The following ERH variants were observed in gnomAD, a reference collection of about 807,000 sequenced individuals.
ERH encodes the protein enhancer of rudimentary homolog.
ERH carries 1 observed loss-of-function variant against 16.8 expected under a neutral mutation model. The ratio of observed to expected loss-of-function variants is 0.06; its 90% CI spans 0.02 to 0.28. The LOEUF is 0.28. Ranked by LOEUF, ERH falls within the 10% of genes least tolerant of loss-of-function variation. The probability of loss-of-function intolerance (pLI) is 1.00; values close to 1 mark genes in which losing one functional copy is unlikely to be tolerated. For missense variants in ERH, 42 were observed against 127.5 expected (o/e 0.33, Z 3.23); for synonymous variants, 43 against 43.6 (o/e 0.99, Z 0.05).
At chr14:69,381,221 A>T (rs965365952) in intron 3 of ERH, among the ~76,000 whole-genome samples, 1 of 152,214 alleles carries the variant, frequency 6.6e-6, no homozygotes, top group African/African-American at 2.4e-5. Context: ...GGATGCAGTG[A>T]GCCGAGATCG....
chr14:69,398,020 G>A (rs1882405319), intron 1 of ERH: 1 of 633,384 alleles, frequency 1.6e-6, no homozygotes, highest in Admixed American at 2.8e-5. Flanking sequence ...CGAGCAGGCG[G>A]GCGCGCAACC....
chr14:69,388,796 A>C (rs72723815), intron 2 of ERH, among the ~76,000 whole-genome samples: 28,506 of 152,148 alleles, frequency 0.19, 2,803 homozygotes, highest in South Asian at 0.26. Flanking sequence ...AACATGTCCT[A>C]TACTGTATAC....
At position 69,386,953 on chromosome 14, in the gene ERH, T is replaced by C; in HGVS notation, c.212+10A>G. The C allele has an allele frequency of 1.9e-6, 3 of 1,612,508 alleles. No homozygotes were observed. The highest frequency in any genetic ancestry group is 2.5e-6 in the Non-Finnish European group (3 of 1,179,594). ...AATACAAGATAAAAGACATGTTGGC[T>C]AATACTTACACCAGGCAGCTGAGGT... On this transcript the variant is annotated intron_variant, in intron 3 of 3. Coordinates refer to ENST00000557016, the MANE Select transcript of ERH (RefSeq NM_004450.3).
At chr14:69,382,530 T>C (rs2045868591) in intron 3 of ERH, among the ~76,000 whole-genome samples, 1 of 152,072 alleles carries the variant, frequency 6.6e-6, no homozygotes. Flanking sequence ...TGCATGCAAT[T>C]TTCCAACTCA....
At chr14:69,388,946 T>C (rs2045908214) in intron 2 of ERH, among the ~76,000 whole-genome samples, 1 of 152,148 alleles carries the variant, frequency 6.6e-6, no homozygotes, top group Non-Finnish European at 1.5e-5. Context: ...ATATCACCCA[T>C]GAGTTAATGA....
chr14:69,387,783 G>A (rs1044583730), intron 2 of ERH, among the ~76,000 whole-genome samples: 9 of 152,010 alleles, frequency 5.9e-5, no homozygotes, highest in African/African-American at 1.4e-4. Context: ...AGTGGCTCAC[G>A]CCTGTAATCC....
chr14:69,385,101 A>G (rs891907263), intron 3 of ERH, among the ~76,000 whole-genome samples: 5 of 152,254 alleles, frequency 3.3e-5, no homozygotes, highest in Admixed American at 2.0e-4. Flanking sequence ...TACACCCCCA[A>G]TTAAAGCTCA....
intron 3 of ERH, 190 bp downstream of exon 3, chr14:69,386,771 ATT>A: frequency 6.3e-6 from 3 of 477,552 alleles, no homozygotes; most frequent in Admixed American, 7.6e-5. Flanking sequence ...TAGCAAAGTT[ATT>A]TTTTTCTGTG....
chr14:69,394,431 C>T (rs951595972), intron 2 of ERH, among the ~76,000 whole-genome samples: 2 of 152,140 alleles, frequency 1.3e-5, no homozygotes, highest in African/African-American at 4.8e-5. Flanking sequence ...CCCATCTCTA[C>T]TAAATACACA....
intron 3 of ERH, among the ~76,000 whole-genome samples, chr14:69,382,470 C>T (rs1022690829): frequency 6.6e-6 from 1 of 151,956 alleles, no homozygotes; most frequent in African/African-American, 2.4e-5. Flanking sequence ...TATACCATTC[C>T]CCCCAACAAA....
At chr14:69,387,868 C>T (rs1454497187) in intron 2 of ERH, among the ~76,000 whole-genome samples, 1 of 152,050 alleles carries the variant, frequency 6.6e-6, no homozygotes, top group Non-Finnish European at 1.5e-5. Context: ...CACAGTGAAA[C>T]CCTGTCTCTA....
chr14:69,384,442 C>G (rs764647596), intron 3 of ERH, among the ~76,000 whole-genome samples: 5 of 152,218 alleles, frequency 3.3e-5, no homozygotes, highest in Admixed American at 3.3e-4. Flanking sequence ...CCAGCTATGT[C>G]TAATTCTGCC....
chr14:69,392,544 G>A (rs779851927), intron 2 of ERH, among the ~76,000 whole-genome samples: 1 of 152,198 alleles, frequency 6.6e-6, no homozygotes, highest in Non-Finnish European at 1.5e-5. Flanking sequence ...TGAATAGGTA[G>A]AGCACAAGAA....
rs569684380 is a variant in ERH, at chr14:69,394,280, A to G, written c.91+545T>C. On this transcript the variant is annotated intron_variant, in intron 2 of 3. Coordinates refer to ENST00000557016, the MANE Select transcript of ERH (RefSeq NM_004450.3). ...CTCTGGAAAGTCACTCATTATATAC[A>G]TTAGTTTAAAAAAAAAAAACACCTA... is the stretch of plus-strand genomic sequence containing the variant. Among the ~76,000 whole-genome samples the G allele has an allele frequency of 1.2e-4, 18 of 152,142 alleles. No individual in the cohort carries two copies. The South Asian group carries it at 3.3e-3, about 28-fold the overall frequency.
chr14:69,391,250 G>C (rs2045922383), intron 2 of ERH, among the ~76,000 whole-genome samples: 1 of 152,130 alleles, frequency 6.6e-6, no homozygotes, highest in South Asian at 2.1e-4. Context: ...TAAGTGAATG[G>C]ATAACCAAAC....
chr14:69,398,017 G>A (rs1882405122), intron 1 of ERH: 1 of 626,218 alleles, frequency 1.6e-6, no homozygotes, highest in Middle Eastern at 4.2e-4. Flanking sequence ...GAGCGAGCAG[G>A]CGGGCGCGCA....
intron 3 of ERH, among the ~76,000 whole-genome samples, chr14:69,386,043 T>C (rs970506770): frequency 5.3e-5 from 8 of 152,236 alleles, no homozygotes; most frequent in African/African-American, 1.9e-4. Context: ...GTTTTTCCTA[T>C]AGATGTCTGA....
At chr14:69,390,034 C>A (rs1010856345) in intron 2 of ERH, among the ~76,000 whole-genome samples, 1 of 151,848 alleles carries the variant, frequency 6.6e-6, no homozygotes, top group African/African-American at 2.4e-5. Flanking sequence ...CCTGGGATAA[C>A]AGGTGTGAGC....
At chr14:69,384,507 G>A (rs2045880538) in intron 3 of ERH, among the ~76,000 whole-genome samples, 1 of 152,100 alleles carries the variant, frequency 6.6e-6, no homozygotes, top group Non-Finnish European at 1.5e-5. Flanking sequence ...ATGATCCTTT[G>A]CTTCAAGTTT....
Sources: gnomAD v4.1 joint callset for allele counts (sites outside exome capture counted in the v4.1 genomes callset) on GRCh38, gnomAD v4.1.1 for gene constraint, MANE v1.5 for transcripts, NCBI Gene and HGNC (gene_info 2026-07-23, HGNC 2026-07-21) for gene names.